The following RALYL variants were observed in gnomAD, a reference collection of about 807,000 sequenced individuals.
The protein encoded by RALYL is RALY RNA binding protein like, also known as RNA-binding Raly-like protein.
RALYL carries 29 observed loss-of-function variants against 35.1 expected under a neutral mutation model. The observed-to-expected ratio is 0.83, with a 90% CI of 0.61 to 1.13. The LOEUF (loss-of-function observed/expected upper bound fraction) is 1.13, where lower values mean the gene tolerates loss of function less well. Among genes scored for constraint, RALYL ranks in the 50% most tolerant of loss-of-function variants. The probability of loss-of-function intolerance (pLI) is 0.00; values close to 1 mark genes in which losing one functional copy is unlikely to be tolerated. For synonymous variants in RALYL, 120 were observed against 127.6 expected, an observed-to-expected ratio of 0.94 and a Z score of 0.40; for missense variants, 359 against 360.4, an observed-to-expected ratio of 1.00 and a Z score of 0.03.
At chr8:84,538,236 C>T (rs938833298) in intron 2 of RALYL, among the ~76,000 whole-genome samples, 5 of 152,146 alleles carry the variant, frequency 3.3e-5, no homozygotes, top group African/African-American at 9.6e-5. Flanking sequence ...CCTAAATTAG[C>T]GAAAGCAGTG....
chr8:84,428,584 A>G (rs1043674554), intron 1 of RALYL, among the ~76,000 whole-genome samples: 3 of 152,168 alleles, frequency 2.0e-5, no homozygotes, highest in African/African-American at 7.2e-5. Flanking sequence ...CTTTGTCAGT[A>G]TCTTTGTCTC....
intron 2 of RALYL, among the ~76,000 whole-genome samples, chr8:84,621,683 G>T (rs939994425): frequency 6.6e-6 from 1 of 152,152 alleles, no homozygotes; most frequent in Non-Finnish European, 1.5e-5. Flanking sequence ...TGCTTAAAAG[G>T]CTTTTTCTAA....
rs7829615 is a variant in RALYL at position 84,853,022 on chromosome 8, A to T, written c.413+2995A>T. ...ATCAATATGACTATCTTTAAAGCAA[A>T]ATTAGGAATGCTTTTGTTCTGAAGA... On this transcript the variant is annotated intron_variant, in intron 5 of 8. Coordinates refer to ENST00000521268, the MANE Select transcript of RALYL (RefSeq NM_173848.7). Among the ~76,000 whole-genome samples, 288 of 152,334 alleles carry T rather than the reference A, an allele frequency of 1.9e-3. 3 individuals are homozygous for T. Among genetic ancestry groups the T allele is most frequent in the African/African-American group, 6.8e-3 (282 of 41,572 alleles).
chr8:84,822,837 G>T (rs1213571547), intron 4 of RALYL, among the ~76,000 whole-genome samples: 1 of 152,128 alleles, frequency 6.6e-6, no homozygotes, highest in South Asian at 2.1e-4. Flanking sequence ...TAGATCTTAT[G>T]ATGCCATTTC....
At chr8:84,583,018 T>C (rs1391424379) in intron 2 of RALYL, among the ~76,000 whole-genome samples, 1 of 152,150 alleles carries the variant, frequency 6.6e-6, no homozygotes, top group Non-Finnish European at 1.5e-5. Context: ...CATCTATCTA[T>C]ACACTAAGAT....
chr8:84,561,172 C>T (rs987325500), intron 2 of RALYL, among the ~76,000 whole-genome samples: 1 of 152,034 alleles, frequency 6.6e-6, no homozygotes, highest in Non-Finnish European at 1.5e-5. Context: ...ATTGCATATG[C>T]TGCCTACTAC....
intron 1 of RALYL, among the ~76,000 whole-genome samples, chr8:84,439,031 C>G (rs1426114563): frequency 2.6e-5 from 4 of 151,822 alleles, no homozygotes; most frequent in African/African-American, 9.7e-5. Flanking sequence ...ATGCCTTCAG[C>G]TTTGTTTTGT....
intron 1 of RALYL, among the ~76,000 whole-genome samples, chr8:84,315,117 A>G (rs1026781598): frequency 2.6e-5 from 4 of 152,230 alleles, no homozygotes; most frequent in African/African-American, 9.6e-5. Flanking sequence ...ATTTGTGATA[A>G]CAAAACATTG....
chr8:84,228,065 T>C (rs1417492795), intron 1 of RALYL, among the ~76,000 whole-genome samples: 1 of 151,370 alleles, frequency 6.6e-6, no homozygotes, highest in Non-Finnish European at 1.5e-5. Flanking sequence ...AGGGAGTGAA[T>C]TGAAGAGATA....
At chr8:84,830,559 A>G (rs1830686927) in intron 4 of RALYL, among the ~76,000 whole-genome samples, 1 of 152,240 alleles carries the variant, frequency 6.6e-6, no homozygotes, top group Non-Finnish European at 1.5e-5. Flanking sequence ...ATAAGTGCCA[A>G]GTAAACAATG....
At chr8:84,282,229 C>T (rs1049327269) in intron 1 of RALYL, among the ~76,000 whole-genome samples, 9 of 151,310 alleles carry the variant, frequency 5.9e-5, no homozygotes, top group Non-Finnish European at 5.9e-5. Flanking sequence ...TTACATGTAG[C>T]GTTGAAAAAT....
rs571549591 is a variant in RALYL, at chr8:84,523,519, A to AT, written c.-23-5772dup. Reference sequence around the variant, plus strand: ...TTGTTTTTTATTTTTTTATTTTTTTATTTTTTTTATTATACTTTAAGTTTT... The same window carrying AT: ...TTGTTTTTTATTTTTTTATTTTTTTATTTTTTTTTATTATACTTTAAGTTTT... On this transcript the variant is annotated intron_variant, in intron 1 of 8. Coordinates refer to ENST00000521268, the MANE Select transcript of RALYL (RefSeq NM_173848.7). 2.3e-4 allele frequency among the ~76,000 whole-genome samples: 34 copies of AT among 148,148 alleles called. 2 individuals are homozygous for AT. The South Asian group carries it at 5.8e-3, about 25-fold the overall frequency.
intron 2 of RALYL, among the ~76,000 whole-genome samples, chr8:84,761,958 CTT>C (rs1812814981): frequency 2.0e-5 from 3 of 151,926 alleles, no homozygotes; most frequent in Admixed American, 1.3e-4. Flanking sequence ...GAAGGTGACA[CTT>C]GAGCAAAGAT....
chr8:84,592,215 A>C (rs573537381), intron 2 of RALYL, among the ~76,000 whole-genome samples: 1 of 152,292 alleles, frequency 6.6e-6, no homozygotes, highest in East Asian at 1.9e-4. Context: ...TCCATACCGC[A>C]GGGAATAGCA....
intron 1 of RALYL, among the ~76,000 whole-genome samples, chr8:84,390,383 T>C (rs1462584752): frequency 2.0e-5 from 3 of 152,128 alleles, no homozygotes; most frequent in African/African-American, 4.8e-5. Context: ...GATTCCCTCT[T>C]TTTCTATTGA....
At chr8:84,401,419 C>T (rs947215710) in intron 1 of RALYL, among the ~76,000 whole-genome samples, 2 of 151,760 alleles carry the variant, frequency 1.3e-5, no homozygotes, top group Non-Finnish European at 2.9e-5. Flanking sequence ...GGGCGGATCA[C>T]GAGGTCAGGA....
At chr8:84,366,745 AGAGT>A (rs1256313199) in intron 1 of RALYL, among the ~76,000 whole-genome samples, 2 of 128,172 alleles carry the variant, frequency 1.6e-5, no homozygotes, top group African/African-American at 5.9e-5. Context: ...GCCTGGAGGC[AGAGT>A]GAGATTTTTG....
intron 1 of RALYL, among the ~76,000 whole-genome samples, chr8:84,267,064 C>A (rs1309079858): frequency 6.6e-6 from 1 of 151,658 alleles, no homozygotes; most frequent in African/African-American, 2.4e-5. Context: ...AACATGAGGA[C>A]TTAAGCAGCG....
At chr8:84,543,801 C>A (rs1196227266) in intron 2 of RALYL, among the ~76,000 whole-genome samples, 2 of 151,980 alleles carry the variant, frequency 1.3e-5, no homozygotes, top group African/African-American at 4.8e-5. Context: ...GGGAATCAAC[C>A]AGTTCTCTAA....
Sources: gnomAD v4.1 joint callset for allele counts (sites outside exome capture counted in the v4.1 genomes callset) on GRCh38, gnomAD v4.1.1 for gene constraint, MANE v1.5 for transcripts, NCBI Gene and HGNC (gene_info 2026-07-23, HGNC 2026-07-21) for gene names.